The following KMT5B variants were observed in gnomAD, a reference collection of about 807,000 sequenced individuals.
The protein encoded by KMT5B is lysine methyltransferase 5B, also known as histone-lysine N-methyltransferase KMT5B.
In KMT5B, 10 loss-of-function variants were observed where a neutral mutation model predicts 83.2. That is an observed-to-expected ratio of 0.12 (90% CI 0.07 to 0.20). KMT5B has a LOEUF of 0.20. Ranked by LOEUF, KMT5B falls within the 10% of genes least tolerant of loss-of-function variation. The pLI is 1.00. For synonymous variants in KMT5B, 349 were observed against 388.8 expected, an observed-to-expected ratio of 0.90 and a Z score of 1.20; for missense variants, 753 against 1,067.2, an observed-to-expected ratio of 0.71 and a Z score of 4.10.
At chr11:68,203,165 G>A (rs938927646) in intron 1 of KMT5B, among the ~76,000 whole-genome samples, 1 of 151,744 alleles carries the variant, frequency 6.6e-6, no homozygotes, top group African/African-American at 2.4e-5. Flanking sequence ...TAGGAGAGAC[G>A]AGGTTTCACC....
Position 68,157,243 on chromosome 11 carries a change from A to G in KMT5B, c.*445T>C, listed in dbSNP as rs1476501171. ...CATCTAGCAAATAAATCAAAAAGCCAAAGATCATTGCTGGTGATATTAGCA... is the reference window on the plus strand; with the variant it reads ...CATCTAGCAAATAAATCAAAAAGCCGAAGATCATTGCTGGTGATATTAGCA... On this transcript the variant is annotated 3_prime_UTR_variant, in exon 11 of 11. Coordinates refer to ENST00000304363, the MANE Select transcript of KMT5B (RefSeq NM_017635.5). 1 of 153,172 alleles carries G rather than the reference A, an allele frequency of 6.5e-6. No individual in the cohort carries two copies. Among genetic ancestry groups the G allele is most frequent in the Non-Finnish European group, 1.5e-5 (1 of 68,472 alleles). 9.5% of individuals were successfully genotyped at this position (153,172 alleles called of 1,614,324 possible).
At position 68,158,766 on chromosome 11, in the gene KMT5B, G is replaced by C. The variant is rs146143706; in HGVS notation, c.1580C>G (p.Ser527Trp). ...GGTGCAGGGCGAGCTCTCCCCCTGC[G>C]AATGAGCACCTCTCACAGGATTCTG... ...HRQNPVRGAH[S>W]QGESSPCTYI... The change falls in exon 11 of 11, where the codon TCG (serine) becomes TGG (tryptophan). Residue 527 changes from serine (S) to tryptophan (W), a missense_variant. Physicochemically the swap from Ser to Trp is radical, Grantham distance 177 (BLOSUM62 -3). Transcript: ENST00000304363. The C allele has an allele frequency of 1.9e-6, 3 of 1,614,142 alleles. No individual in the cohort carries two copies. Among genetic ancestry groups the C allele is most frequent in the South Asian group, 2.2e-5 (2 of 91,080 alleles).
At chr11:68,208,390 T>C (rs1158601891) in intron 1 of KMT5B, among the ~76,000 whole-genome samples, 3 of 151,518 alleles carry the variant, frequency 2.0e-5, no homozygotes, top group East Asian at 4.0e-4. Flanking sequence ...GAGGTGGAGG[T>C]TGCAATGAGC....
intron 6 of KMT5B, among the ~76,000 whole-genome samples, chr11:68,172,814 T>C (rs1228513858): frequency 6.6e-6 from 1 of 152,030 alleles, no homozygotes; most frequent in South Asian, 2.1e-4. Context: ...ATGAAGCACA[T>C]TTCATGTACA....
At chr11:68,198,437 AAAGACAAGACAAGAC>A (rs146631548) in intron 1 of KMT5B, among the ~76,000 whole-genome samples, 12,283 of 148,652 alleles carry the variant, frequency 0.083, 659 homozygotes, top group African/African-American at 0.13. Context: ...GGAAAGGAAA[AAAGACAAGACAAGAC>A]AAGACAAGAC....
chr11:68,158,541 C>A lies in KMT5B; in HGVS notation c.1805G>T (p.Cys602Phe), dbSNP rs1859470118. The A allele has an allele frequency of 6.2e-7, 1 of 1,614,102 alleles. No individual in the cohort carries two copies. The highest frequency in any genetic ancestry group is 8.5e-7 in the Non-Finnish European group (1 of 1,180,056). The change falls in exon 11 of 11, where the codon TGT becomes TTT. Residue 602 changes from cysteine (C) to phenylalanine (F), a missense_variant. By Grantham distance (205) the Cys-to-Phe change is radical (BLOSUM62 -2). Around this residue, in one of 9 missense-constraint regions of KMT5B, gnomAD observed 397 missense variants for 395.9 expected, o/e 1.00. Transcript: ENST00000304363. Reference sequence around the variant, plus strand: ...GGACATGCCTGTGTCACTCTTATGACACTTTGCCTCCCCTTTTTGTGCAGT... The same window carrying A: ...GGACATGCCTGTGTCACTCTTATGAAACTTTGCCTCCCCTTTTTGTGCAGT... The part of the protein sequence containing the change: ...HETAQKGEAK[C>F]HKSDTGMSKK...
intron 1 of KMT5B, among the ~76,000 whole-genome samples, chr11:68,207,895 AGTG>A (rs1184235412): frequency 1.3e-5 from 2 of 149,478 alleles, no homozygotes. Context: ...GCTGGAGTGC[AGTG>A]GCACGATCTC....
intron 10 of KMT5B, among the ~76,000 whole-genome samples, chr11:68,161,994 A>G (rs960422166): frequency 1.3e-5 from 2 of 152,128 alleles, no homozygotes; most frequent in Admixed American, 6.5e-5. Flanking sequence ...ATCTTGGTCA[A>G]TATCACCACC....
intron 1 of KMT5B, among the ~76,000 whole-genome samples, chr11:68,209,828 G>A (rs1860643910): frequency 6.6e-6 from 1 of 151,686 alleles, no homozygotes; most frequent in Non-Finnish European, 1.5e-5. Flanking sequence ...TTTATCACCA[G>A]CAAATGATCC....
intron 1 of KMT5B, among the ~76,000 whole-genome samples, chr11:68,211,935 G>A (rs1017370642): frequency 2.0e-5 from 3 of 152,178 alleles, no homozygotes; most frequent in Non-Finnish European, 4.4e-5. Context: ...AAGAGGGACA[G>A]GGCCACACCT....
intron 1 of KMT5B, among the ~76,000 whole-genome samples, chr11:68,190,595 G>A (rs1857927296): frequency 6.6e-6 from 1 of 152,186 alleles, no homozygotes; most frequent in Non-Finnish European, 1.5e-5. Flanking sequence ...CCGACCCTGT[G>A]TGGGCTGAAG....
intron 6 of KMT5B, among the ~76,000 whole-genome samples, chr11:68,172,744 C>T (rs192098148): frequency 2.0e-5 from 3 of 152,168 alleles, no homozygotes; most frequent in Admixed American, 2.0e-4. Flanking sequence ...ACCTACACAC[C>T]CATCTGCAAC....
chr11:68,171,833 T>C lies in KMT5B; in HGVS notation c.654-124A>G. ...AAGGCCTAGCTGTCTATACTTTAGT[T>C]AGCTCACTGGGATCCCCACCTGGCT... On this transcript the variant is annotated intron_variant, in intron 6 of 10. Transcript: ENST00000304363. The surrounding 1 kb of genome is among the most constrained non-coding windows in gnomAD (Gnocchi z 5.1). The C allele has an allele frequency of 1.3e-6, 1 of 777,514 alleles. No homozygotes were observed. Among genetic ancestry groups the C allele is most frequent in the Non-Finnish European group, 2.0e-6 (1 of 494,254 alleles). 48.2% of individuals were successfully genotyped at this position (777,514 alleles called of 1,614,324 possible).
chr11:68,209,529 G>C (rs1860602989), intron 1 of KMT5B, among the ~76,000 whole-genome samples: 1 of 152,178 alleles, frequency 6.6e-6, no homozygotes, highest in Non-Finnish European at 1.5e-5. Context: ...GAGATGTGCT[G>C]ACCAGGCATT....
rs180874294 is a variant in KMT5B, at chr11:68,210,551, G to C, written c.-77+2587C>G. 6.6e-5 allele frequency among the ~76,000 whole-genome samples: 10 copies of C among 152,058 alleles called. No individual in the cohort carries two copies. In the East Asian group the frequency reaches 1.9e-3, roughly 30 times the overall value. ...AGTGATAGAGCAGAGAATGGAATAAGAATTGATTCTTATTCCATGGTCCTT... is the reference window on the plus strand; with the variant it reads ...AGTGATAGAGCAGAGAATGGAATAACAATTGATTCTTATTCCATGGTCCTT... On this transcript the variant is annotated intron_variant, in intron 1 of 10. Coordinates refer to ENST00000304363, the MANE Select transcript of KMT5B (RefSeq NM_017635.5).
intron 1 of KMT5B, among the ~76,000 whole-genome samples, chr11:68,205,713 C>T (rs550768974): frequency 2.0e-3 from 302 of 151,828 alleles, no homozygotes; most frequent in African/African-American, 6.8e-3. Flanking sequence ...CTCCACCTCC[C>T]GGGTTCAAGC....
intron 1 of KMT5B, among the ~76,000 whole-genome samples, chr11:68,199,473 C>T (rs1591052165): frequency 6.6e-6 from 1 of 152,082 alleles, no homozygotes; most frequent in South Asian, 2.1e-4. Context: ...GTGGCTGGGG[C>T]AAATATGGAG....
intron 10 of KMT5B, chr11:68,164,550 T>C: frequency 2.2e-6 from 1 of 445,350 alleles, no homozygotes; most frequent in Non-Finnish European, 4.5e-6. Context: ...TGAACATGAC[T>C]TAACATACAA....
Position 68,157,906 on chromosome 11 carries a change from C to T in KMT5B, c.2440G>A (p.Glu814Lys), listed in dbSNP as rs778230550. Reference protein sequence around the residue: ...DPLSLLESRMEVDDYSQYEEE... With the variant: ...DPLSLLESRMKVDDYSQYEEE... ...TCATACTGACTATAGTCATCCACCT[C>T]CATTCGAGACTCCAAGAGAGAAAGA... Residue 814 changes from glutamate (E) to lysine (K), a missense_variant, in exon 11 of 11, where the codon GAG (glutamate) becomes AAG (lysine). By Grantham distance (56) the Glu-to-Lys change is moderately conservative. Transcript: ENST00000304363. 4.3e-6 allele frequency: 7 copies of T among 1,614,090 alleles called. No homozygotes were observed. The highest frequency in any genetic ancestry group is 5.9e-6 in the Non-Finnish European group (7 of 1,179,926).
Sources: gnomAD v4.1 joint callset for allele counts (sites outside exome capture counted in the v4.1 genomes callset) on GRCh38, gnomAD v4.1.1 for gene constraint, gnomAD v4.1.1 regional missense constraint, Gnocchi (gnomAD v3.1) non-coding constraint, MANE v1.5 for transcripts, NCBI Gene and HGNC (gene_info 2026-07-23, HGNC 2026-07-21) for gene names.